Variants in PCDHA5 observed in about 807,000 individuals in gnomAD.
The protein encoded by PCDHA5 is protocadherin alpha-5.
In PCDHA5, 43 loss-of-function variants were observed where a neutral mutation model predicts 61.6. That is an observed-to-expected ratio of 0.70 (90% CI 0.55 to 0.90). The LOEUF is 0.90. Among genes scored for constraint, PCDHA5 ranks in the 40% least tolerant of loss-of-function variants. The probability of loss-of-function intolerance (pLI) is 0.00; values close to 1 mark genes in which losing one functional copy is unlikely to be tolerated. For missense variants in PCDHA5, 1,298 were observed against 1,222.7 expected (o/e 1.06, Z -0.92); for synonymous variants, 627 against 543.9 (o/e 1.15, Z -2.13).
chr5:140,898,995 T>C (rs1176186680), intron 1 of PCDHA5, among the ~76,000 whole-genome samples: 4 of 151,956 alleles, frequency 2.6e-5, no homozygotes, highest in Non-Finnish European at 5.9e-5. Flanking sequence ...TCTGTTTGTC[T>C]GTTATTGGTG....
At chr5:140,968,907 C>G in intron 1 of PCDHA5, 1 of 1,614,180 alleles carries the variant, frequency 6.2e-7, no homozygotes. Context: ...GCATTAAGCA[C>G]AGTGTCTTTT....
At position 140,850,414 on chromosome 5, in the gene PCDHA5, C is replaced by T. The variant is rs2150483197; in HGVS notation, c.2352+26287C>T. The T allele has an allele frequency of 3.9e-5, 62 of 1,597,814 alleles. 5 individuals are homozygous for T. Among genetic ancestry groups the T allele is most frequent in the African/African-American group, 6.7e-5 (5 of 74,310 alleles). ...AGCACAACGCGTGCCCTGGACGAAA[C>T]GGACGCACCGCGCCAGCGCCTACTG... On this transcript the variant is annotated intron_variant, in intron 1 of 3. Coordinates refer to ENST00000529859, the MANE Select transcript of PCDHA5 (RefSeq NM_018908.3).
intron 2 of PCDHA5, among the ~76,000 whole-genome samples, chr5:140,982,104 G>A (rs1280175443): frequency 6.6e-6 from 1 of 152,256 alleles, no homozygotes; most frequent in Non-Finnish European, 1.5e-5. Flanking sequence ...GAACCTGCAA[G>A]AGAGGCTTGG....
intron 1 of PCDHA5, among the ~76,000 whole-genome samples, chr5:140,925,671 A>AATAATAATAATG (rs1445697337): frequency 4.7e-4 from 69 of 148,180 alleles, no homozygotes; most frequent in African/African-American, 1.7e-3. Flanking sequence ...TAATAATAAT[A>AATAATAATAATG]ATAATAAAGC....
At chr5:140,929,390 T>C in intron 1 of PCDHA5, 1 of 1,511,570 alleles carries the variant, frequency 6.6e-7, no homozygotes, top group Non-Finnish European at 8.8e-7. Flanking sequence ...TGTTTTGAAA[T>C]ATTTCTTAGA....
At chr5:140,861,150 G>T (rs2046778141) in intron 1 of PCDHA5, 1 of 154,448 alleles carries the variant, frequency 6.5e-6, no homozygotes, top group Non-Finnish European at 1.4e-5. Flanking sequence ...TCAGGAACAA[G>T]GACCAAAAGG....
At chr5:140,828,252 T>A in intron 1 of PCDHA5, 1 of 1,613,980 alleles carries the variant, frequency 6.2e-7, no homozygotes, top group Non-Finnish European at 8.5e-7. Context: ...GACCTGGGGC[T>A]GGAGCTGGCG....
In PCDHA5 at chr5:140,823,503, G is replaced by A; in HGVS notation, c.1728G>A (p.Val576=). 1 of 1,613,406 alleles carries A rather than the reference G, an allele frequency of 6.2e-7. No individual in the cohort carries two copies. The highest frequency in any genetic ancestry group is 1.1e-5 in the South Asian group (1 of 91,032). Residue 576 remains valine, a synonymous_variant, in exon 1 of 4, where the codon GTG becomes GTA. Coordinates refer to ENST00000529859, the MANE Select transcript of PCDHA5 (RefSeq NM_018908.3). ...GAGTGGGTGGCACCGGCGGCGCAGT[G>A]AGCGAGCTGGTGCCGAGGTCAGTGG... is the stretch of plus-strand genomic sequence containing the variant. ...VPRVGGTGGA[V]SELVPRSVGA... is the part of the protein sequence containing the mutation.
intron 1 of PCDHA5, among the ~76,000 whole-genome samples, chr5:140,972,402 G>A (rs1554234110): frequency 6.6e-6 from 1 of 151,784 alleles, no homozygotes; most frequent in Non-Finnish European, 1.5e-5. Context: ...TTCACTATTG[G>A]CAAACCCTGT....
intron 1 of PCDHA5, chr5:140,851,313 C>T: frequency 1.0e-6 from 1 of 998,874 alleles, no homozygotes; most frequent in Non-Finnish European, 1.2e-6. Flanking sequence ...GCAATTGTTA[C>T]CTTGTTAAGT....
At chr5:140,884,977 A>C (rs782168505) in intron 1 of PCDHA5, among the ~76,000 whole-genome samples, 19 of 152,222 alleles carry the variant, frequency 1.2e-4, no homozygotes, top group Admixed American at 5.2e-4. Context: ...GAGAACTTAA[A>C]CATTTAGAAA....
chr5:140,851,315 T>G lies in PCDHA5; in HGVS notation c.2352+27188T>G. ...GCAAAAATATATAGCAATTGTTACC[T>G]TGTTAAGTTTGTAGTTCTCTACATT... On this transcript the variant is annotated intron_variant, in intron 1 of 3. Coordinates refer to ENST00000529859, the MANE Select transcript of PCDHA5 (RefSeq NM_018908.3). 7.1e-6 allele frequency: 7 copies of G among 992,586 alleles called. 1 individual carries two copies. The highest frequency in any genetic ancestry group is 8.6e-6 in the Non-Finnish European group (7 of 809,654). 61.5% of individuals were successfully genotyped at this position (992,586 alleles called of 1,614,324 possible).
intron 1 of PCDHA5, chr5:140,867,147 C>T (rs1554160998): frequency 6.6e-6 from 1 of 152,068 alleles, no homozygotes; most frequent in East Asian, 1.9e-4. Flanking sequence ...TATCATTTTT[C>T]CAGAGTAAAC....
Position 140,870,243 on chromosome 5 carries a change from C to A in PCDHA5, c.2352+46116C>A, listed in dbSNP as rs782592982. 3.1e-6 allele frequency: 5 copies of A among 1,614,176 alleles called. No homozygotes were observed. The East Asian group carries it at 6.7e-5, about 22-fold the overall frequency. On this transcript the variant is annotated intron_variant, in intron 1 of 3. Transcript: ENST00000529859. Reference sequence around the variant, plus strand: ...GCGTGTCTGACCGTGACTCAGGTGTCAACGGACAGGTGACCTGCTCGCTGA... The same window carrying A: ...GCGTGTCTGACCGTGACTCAGGTGTAAACGGACAGGTGACCTGCTCGCTGA...
rs2150422300 is a variant in PCDHA5, at chr5:140,848,837, G to T, written c.2352+24710G>T. On this transcript the variant is annotated intron_variant, in intron 1 of 3. Coordinates refer to ENST00000529859, the MANE Select transcript of PCDHA5 (RefSeq NM_018908.3). The stretch of plus-strand genomic sequence containing the variant: ...TGGAGGTGATCGTAGACAGGCCGCT[G>T]CAGGTTTTCCATGTGGACGTGGAGG... 11 of 1,590,342 alleles carry T rather than the reference G, an allele frequency of 6.9e-6. 1 individual carries two copies. Among genetic ancestry groups the T allele is most frequent in the Non-Finnish European group, 9.5e-6 (11 of 1,162,060 alleles).
intron 1 of PCDHA5, among the ~76,000 whole-genome samples, chr5:140,964,284 A>C (rs190870993): frequency 6.6e-6 from 1 of 152,362 alleles, no homozygotes; most frequent in East Asian, 1.9e-4. Context: ...AGTAAATTCT[A>C]GCTGGAGCTA....
At chr5:140,876,745 G>T (rs782242909) in intron 1 of PCDHA5, 2 of 1,614,264 alleles carry the variant, frequency 1.2e-6, no homozygotes, top group South Asian at 2.2e-5. Flanking sequence ...TGAGCTGGTG[G>T]TGACTGCGCG....
At chr5:140,848,688 C>T in intron 1 of PCDHA5, 1 of 1,592,412 alleles carries the variant, frequency 6.3e-7, no homozygotes. Context: ...GCGCCTGTTC[C>T]AGTTGGATTC....
At position 141,010,411 on chromosome 5, in the gene PCDHA5, G is replaced by A. The variant is rs1215041869; in HGVS notation, c.*474G>A. On this transcript the variant is annotated 3_prime_UTR_variant, in exon 4 of 4. Coordinates refer to ENST00000529859, the MANE Select transcript of PCDHA5 (RefSeq NM_018908.3). Reference sequence around the variant, plus strand: ...TGAGACGAGCCAGCTTAGACTAATTGGTACAAGGAAGGCAAGAAAACAAAG... The same window carrying A: ...TGAGACGAGCCAGCTTAGACTAATTAGTACAAGGAAGGCAAGAAAACAAAG... The A allele has an allele frequency of 8.2e-7, 1 of 1,224,354 alleles. No individual in the cohort carries two copies. Among genetic ancestry groups the A allele is most frequent in the Admixed American group, 2.9e-5 (1 of 35,038 alleles). 75.8% of individuals were successfully genotyped at this position (1,224,354 alleles called of 1,614,324 possible).
Sources: allele counts gnomAD v4.1 joint callset (sites outside exome capture counted in the v4.1 genomes callset), GRCh38; gene constraint gnomAD v4.1.1; transcripts MANE v1.5; gene names NCBI Gene and HGNC (gene_info 2026-07-23, HGNC 2026-07-21).